Variants in SETD3 observed in about 807,000 individuals in gnomAD.
SETD3 encodes SET domain containing 3, actin N3(tau)-histidine methyltransferase.
SETD3 carries 19 observed loss-of-function variants against 63.0 expected under a neutral mutation model. That is an observed-to-expected ratio of 0.30 (90% CI 0.21 to 0.44). SETD3 has a LOEUF of 0.44. SETD3 is among the 20% of genes least tolerant of loss of function. The pLI is 1.00. For synonymous variants in SETD3, 286 were observed against 264.1 expected (o/e 1.08, Z -0.80); for missense variants, 587 against 728.5 (o/e 0.81, Z 2.24).
chr14:99,408,314 C>G (rs192277367), intron 8 of SETD3, among the ~76,000 whole-genome samples: 56 of 152,290 alleles, frequency 3.7e-4, no homozygotes, highest in African/African-American at 1.3e-3. Flanking sequence ...TATTCTAGAA[C>G]ATTTCACTCG....
At chr14:99,425,433 C>T (rs1023435228) in intron 6 of SETD3, among the ~76,000 whole-genome samples, 3 of 152,240 alleles carry the variant, frequency 2.0e-5, no homozygotes, top group South Asian at 2.1e-4. Flanking sequence ...ACCTGCCTGG[C>T]ATCTAGCCCT....
rs1383800779 is a variant in SETD3 at position 99,398,842 on chromosome 14, G to T, written c.1622C>A (p.Ala541Glu). 1.2e-6 allele frequency: 2 copies of T among 1,614,076 alleles called. No individual in the cohort carries two copies. Among genetic ancestry groups the T allele is most frequent in the Admixed American group, 1.7e-5 (1 of 59,998 alleles). ...TTCTGTGGCCTTTGCTTTGCTGATT[G>T]CCTCTCTGATGTTCAAGGCATCCTG... ...GVQDALNIREAISKAKATENG... is the reference protein window; with the variant it reads ...GVQDALNIREEISKAKATENG... Residue 541 changes from alanine to glutamate, a missense_variant, in exon 13 of 13, where the codon GCA (alanine) becomes GAA (glutamate). By Grantham distance (107) the Ala-to-Glu change is moderately radical. Transcript: ENST00000331768.
chr14:99,481,596 C>T (rs980212744), upstream of SETD3: 8 of 395,442 alleles, frequency 2.0e-5, no homozygotes, highest in African/African-American at 1.4e-4. Context: ...CGGATTCTGC[C>T]TCCCTCCGCT....
upstream of SETD3, among the ~76,000 whole-genome samples, chr14:99,485,639 T>C (rs551853752): frequency 6.6e-6 from 1 of 152,296 alleles, no homozygotes; most frequent in East Asian, 1.9e-4. Flanking sequence ...ACCAAAACAA[T>C]AACAAAACCT....
At chr14:99,419,789 A>C (rs1467081103) in intron 6 of SETD3, among the ~76,000 whole-genome samples, 1 of 151,628 alleles carries the variant, frequency 6.6e-6, no homozygotes, top group African/African-American at 2.4e-5. Context: ...AAAAAAACAA[A>C]AAAAAAAACC....
At position 99,459,020 on chromosome 14, in the gene SETD3, A is replaced by G. The variant is rs576514809; in HGVS notation, c.418+93T>C. 9.0e-6 allele frequency: 8 copies of G among 891,514 alleles called. No homozygotes were observed. In the Admixed American group the frequency reaches 1.5e-4, roughly 17 times the overall value. The allele number at this position is 891,514 out of a possible 1,614,324, so 55.2% of individuals were successfully genotyped here. ...TTGAGGGAATATTTCGCCAGTCGAG[A>G]AAAACCAAGTATTATCCTTAGTGCC... On this transcript the variant is annotated intron_variant, in intron 5 of 12. Transcript: ENST00000331768.
intron 6 of SETD3, among the ~76,000 whole-genome samples, chr14:99,446,428 G>GT (rs1894133233): frequency 6.6e-6 from 1 of 152,182 alleles, no homozygotes; most frequent in Non-Finnish European, 1.5e-5. Flanking sequence ...ATAATAGAAA[G>GT]TAAGAAAAGT....
chr14:99,461,241 AC>A lies in SETD3; in HGVS notation c.295del (p.Val99LeufsTer10). On this transcript the variant is annotated frameshift_variant, in exon 4 of 13. Transcript: ENST00000331768. LOFTEE classifies it high-confidence loss of function. ...ACCAAAGCCCTCTTCTTTGAAGTTA[AC>A]CATTTCAAAACCCTCGACAGAAGCC... ...NGASVEGFEM[V>X]NFKEEGFGLR... The A allele has an allele frequency of 6.2e-7, 1 of 1,614,208 alleles. No homozygotes were observed.
At chr14:99,460,667 T>A (rs1269498810) in intron 4 of SETD3, among the ~76,000 whole-genome samples, 4 of 152,178 alleles carry the variant, frequency 2.6e-5, no homozygotes, top group Non-Finnish European at 4.4e-5. Flanking sequence ...TCCCTTCATG[T>A]GGAAAGAAGA....
intron 6 of SETD3, among the ~76,000 whole-genome samples, chr14:99,435,911 G>T (rs1893454572): frequency 6.6e-6 from 1 of 152,102 alleles, no homozygotes; most frequent in Non-Finnish European, 1.5e-5. Flanking sequence ...CTGCGATGAA[G>T]AACTGCCCAA....
Position 99,458,342 on chromosome 14 carries a change from A to C in SETD3, c.612T>G (p.His204Gln), listed in dbSNP as rs1894875951. The change falls in exon 6 of 13, where the codon CAT becomes CAG. Residue 204 changes from histidine (H) to glutamine (Q), a missense_variant. His to Gln is a conservative substitution (Grantham distance 24). Transcript: ENST00000331768. ...TGTTTTTATACTGGCTGAAGACATC[A>C]TGTATAGCTTGTGTGGACTGAAGAT... ...VRYLQSTQAIHDVFSQYKNTA... is the reference protein window; with the variant it reads ...VRYLQSTQAIQDVFSQYKNTA... The C allele has an allele frequency of 6.2e-7, 1 of 1,614,160 alleles. No individual in the cohort carries two copies. Among genetic ancestry groups the C allele is most frequent in the Non-Finnish European group, 8.5e-7 (1 of 1,180,022 alleles).
chr14:99,421,755 G>A (rs1456525436), intron 6 of SETD3, among the ~76,000 whole-genome samples: 1 of 152,136 alleles, frequency 6.6e-6, no homozygotes, highest in African/African-American at 2.4e-5. Flanking sequence ...TGAGGAAACT[G>A]AGGGAGACAG....
rs1276007780 is a variant in SETD3 at position 99,459,120 on chromosome 14, T to C, written c.411A>G (p.Ser137=). ...GTCAGAAATTATTCTCACCCAACACTGAATTTTTAGCAGATTCAACAGTCA... is the reference window on the plus strand; with the variant it reads ...GTCAGAAATTATTCTCACCCAACACCGAATTTTTAGCAGATTCAACAGTCA... ...LLMTVESAKN[S]VLGPLYSQDR... is the part of the protein sequence containing the mutation. Residue 137 remains serine (S), a synonymous_variant, in exon 5 of 13, where the codon TCA becomes TCG. Coordinates refer to ENST00000331768, the MANE Select transcript of SETD3 (RefSeq NM_032233.3). The C allele has an allele frequency of 6.2e-7, 1 of 1,609,464 alleles. No individual in the cohort carries two copies. Among genetic ancestry groups the C allele is most frequent in the Non-Finnish European group, 8.5e-7 (1 of 1,178,116 alleles).
chr14:99,423,588 CAAAAA>C (rs536996347), intron 6 of SETD3, among the ~76,000 whole-genome samples: 210 of 36,876 alleles, frequency 5.7e-3, no homozygotes, highest in African/African-American at 0.013. Flanking sequence ...CACTGTTATG[CAAAAA>C]AAAAAAAAAA....
intron 8 of SETD3, among the ~76,000 whole-genome samples, chr14:99,409,114 G>C (rs1359882283): frequency 6.6e-6 from 1 of 152,080 alleles, no homozygotes; most frequent in Non-Finnish European, 1.5e-5. Context: ...GCAAGGACAG[G>C]GTCCTTCCAC....
In SETD3 at chr14:99,413,276, C is replaced by T. The variant is rs10137201; in HGVS notation, c.735-211G>A. On this transcript the variant is annotated intron_variant, in intron 7 of 12. Transcript: ENST00000331768. ...GAAATGCAGGAGTGAGTGTTTAAGG[C>T]AGACTGTTCCCAAGAAGCAGAGCCA... 1.6e-3 allele frequency: 803 copies of T among 516,200 alleles called. 3 individuals carry two copies. The highest frequency in any genetic ancestry group is 0.013 in the African/African-American group (691 of 51,468). The allele number at this position is 516,200 out of a possible 1,614,324, so 32.0% of individuals were successfully genotyped here.
intron 9 of SETD3, among the ~76,000 whole-genome samples, chr14:99,405,585 C>T (rs1891637615): frequency 6.6e-6 from 1 of 152,220 alleles, no homozygotes; most frequent in South Asian, 2.1e-4. Context: ...CTTCCACCAC[C>T]GTGTGGAGAG....
rs909402995 is a variant in SETD3 at position 99,425,867 on chromosome 14, T to C, written c.676-11933A>G. ...AGACATATATAATAAAGTGACATTT[T>C]CCAACATAGGTTTTTCCAGATCATT... On this transcript the variant is annotated intron_variant, in intron 6 of 12. Transcript: ENST00000331768. Among the ~76,000 whole-genome samples, 3 of 152,336 alleles carry C rather than the reference T, an allele frequency of 2.0e-5. No homozygotes were observed. The South Asian group carries it at 6.2e-4, about 32-fold the overall frequency.
intron 6 of SETD3, among the ~76,000 whole-genome samples, chr14:99,418,090 A>G (rs1892376343): frequency 6.6e-6 from 1 of 152,224 alleles, no homozygotes; most frequent in African/African-American, 2.4e-5. Context: ...GCTCATAGAA[A>G]TGACTCTTCT....
Sources: allele counts gnomAD v4.1 joint callset (sites outside exome capture counted in the v4.1 genomes callset), GRCh38; gene constraint gnomAD v4.1.1; transcripts MANE v1.5; gene names NCBI Gene and HGNC (gene_info 2026-07-23, HGNC 2026-07-21).